The following ELMO1 variants were observed in gnomAD, a reference collection of about 807,000 sequenced individuals.
ELMO1 encodes engulfment and cell motility protein 1.
Under a neutral mutation model 98.9 loss-of-function variants are expected in ELMO1, and 26 were observed. That is an observed-to-expected ratio of 0.26 (90% CI 0.19 to 0.36). ELMO1 has a LOEUF of 0.36. Ranked by LOEUF, ELMO1 falls within the 10% of genes least tolerant of loss-of-function variation. ELMO1 has a pLI of 1.00. For missense variants in ELMO1, 627 were observed against 935.2 expected (o/e 0.67, Z 4.30); for synonymous variants, 346 against 346.0 (o/e 1.00, Z 0.00).
rs553700891 is a variant in ELMO1 at position 37,213,180 on chromosome 7, T to C, written c.954+155A>G. Among the ~76,000 whole-genome samples the C allele has an allele frequency of 8.5e-4, 129 of 152,328 alleles. 1 individual carries two copies. Among genetic ancestry groups the C allele is most frequent in the Middle Eastern group, 6.8e-3 (2 of 294 alleles). On this transcript the variant is annotated intron_variant, in intron 12 of 21. Transcript: ENST00000310758. ...TATATTTTCTGATCCTAGATTCACC[T>C]AATTTTGAAGCCATGCCCCTAAGTT...
intron 16 of ELMO1, among the ~76,000 whole-genome samples, chr7:36,977,621 G>T (rs1007784519): frequency 2.0e-5 from 3 of 152,276 alleles, no homozygotes; most frequent in African/African-American, 7.2e-5. Flanking sequence ...AATTTGGTCC[G>T]CCCAGGTTTC....
chr7:37,262,946 G>A (rs984551537), intron 5 of ELMO1, among the ~76,000 whole-genome samples: 14 of 152,282 alleles, frequency 9.2e-5, no homozygotes, highest in African/African-American at 3.4e-4. Flanking sequence ...CATCTCAGCT[G>A]GGCAGTAACC....
At chr7:37,429,669 A>C (rs187640545) in intron 1 of ELMO1, 7 of 152,404 alleles carry the variant, frequency 4.6e-5, no homozygotes, top group African/African-American at 7.2e-5. Flanking sequence ...GAACTCATGC[A>C]TTTTGTTTTT....
At chr7:37,198,218 CT>C (rs1792084146) in intron 13 of ELMO1, among the ~76,000 whole-genome samples, 1 of 152,186 alleles carries the variant, frequency 6.6e-6, no homozygotes, top group Non-Finnish European at 1.5e-5. Context: ...AATTCATGGA[CT>C]TTGGGATATG....
intron 16 of ELMO1, among the ~76,000 whole-genome samples, chr7:37,000,196 CTG>C (rs1224050416): frequency 6.6e-6 from 1 of 152,206 alleles, no homozygotes; most frequent in African/African-American, 2.4e-5. Flanking sequence ...AAAAGCATCT[CTG>C]TGTGATGCGT....
intron 16 of ELMO1, among the ~76,000 whole-genome samples, chr7:36,960,943 C>T (rs1286391112): frequency 6.6e-6 from 1 of 152,130 alleles, no homozygotes; most frequent in Non-Finnish European, 1.5e-5. Flanking sequence ...TTCAAATCCC[C>T]CTTCCCTCTG....
At chr7:37,195,817 A>G (rs1269209810) in intron 13 of ELMO1, among the ~76,000 whole-genome samples, 4 of 152,298 alleles carry the variant, frequency 2.6e-5, no homozygotes, top group Non-Finnish European at 4.4e-5. Context: ...CCTAATGCTC[A>G]TAAGTCACAG....
chr7:37,135,233 G>A (rs1787190985), intron 13 of ELMO1, among the ~76,000 whole-genome samples: 1 of 152,090 alleles, frequency 6.6e-6, no homozygotes, highest in Non-Finnish European at 1.5e-5. Context: ...ATGCACATCT[G>A]CCAGTTTTTC....
intron 1 of ELMO1, among the ~76,000 whole-genome samples, chr7:37,344,407 A>G (rs1800888221): frequency 1.3e-5 from 2 of 152,140 alleles, no homozygotes; most frequent in Non-Finnish European, 2.9e-5. Context: ...GAGCATCTTG[A>G]TTCTTTTCAC....
At chr7:37,102,538 G>T (rs1477466239) in intron 14 of ELMO1, among the ~76,000 whole-genome samples, 1 of 152,086 alleles carries the variant, frequency 6.6e-6, no homozygotes, top group Non-Finnish European at 1.5e-5. Flanking sequence ...AAACCCAAAA[G>T]AAAAAAGCTT....
At chr7:37,172,539 T>C (rs34464565) in intron 13 of ELMO1, among the ~76,000 whole-genome samples, 24,812 of 152,178 alleles carry the variant, frequency 0.16, 2,549 homozygotes, top group African/African-American at 0.28. Flanking sequence ...TATTCTTTCA[T>C]AGACTTCATC....
intron 12 of ELMO1, among the ~76,000 whole-genome samples, chr7:37,212,553 G>A (rs1563080426): frequency 6.6e-6 from 1 of 152,126 alleles, no homozygotes; most frequent in Non-Finnish European, 1.5e-5. Flanking sequence ...CAAAAACGTG[G>A]GGCACATTCA....
chr7:37,143,475 C>T (rs535650947), intron 13 of ELMO1, among the ~76,000 whole-genome samples: 63 of 152,140 alleles, frequency 4.1e-4, no homozygotes, highest in East Asian at 1.5e-3. Flanking sequence ...GGTGCAATCT[C>T]GGCTCACTGC....
intron 19 of ELMO1, among the ~76,000 whole-genome samples, chr7:36,875,177 A>T (rs1029887561): frequency 6.6e-6 from 1 of 152,252 alleles, no homozygotes; most frequent in East Asian, 1.9e-4. Context: ...AAAGGTGGCT[A>T]TTTTGCTCCA....
intron 2 of ELMO1, among the ~76,000 whole-genome samples, chr7:37,334,615 T>A (rs1800300867): frequency 6.6e-6 from 1 of 152,162 alleles, no homozygotes; most frequent in African/African-American, 2.4e-5. Context: ...GGTGATGAAA[T>A]CCCACGTGCA....
In ELMO1 at chr7:37,336,220, T is replaced by C. The variant is rs568247373; in HGVS notation, c.78+6393A>G. On this transcript the variant is annotated intron_variant, in intron 2 of 21. Coordinates refer to ENST00000310758, the MANE Select transcript of ELMO1 (RefSeq NM_014800.11). ...CAGCCTGGGTGACACAGTGAGACCC[T>C]GCGTCAAGGAAAAAAAAAAAGAACA... 8.7e-4 allele frequency among the ~76,000 whole-genome samples: 132 copies of C among 151,380 alleles called. 1 individual carries two copies. Among genetic ancestry groups the C allele is most frequent in the African/African-American group, 3.2e-3 (130 of 41,232 alleles).
intron 2 of ELMO1, among the ~76,000 whole-genome samples, chr7:37,322,623 A>C (rs1799578985): frequency 9.1e-6 from 1 of 109,776 alleles, no homozygotes; most frequent in South Asian, 2.7e-4. Context: ...CTCTCTCTCC[A>C]AAAAAAAAAA....
chr7:36,947,387 A>G (rs1787585384), intron 16 of ELMO1, among the ~76,000 whole-genome samples: 1 of 152,080 alleles, frequency 6.6e-6, no homozygotes. Flanking sequence ...TGCAGGTACT[A>G]TTGCCCACCA....
At chr7:36,859,763 T>C (rs566972075) in intron 21 of ELMO1, among the ~76,000 whole-genome samples, 138 of 152,234 alleles carry the variant, frequency 9.1e-4, no homozygotes, top group African/African-American at 3.2e-3. Context: ...TGGCAGAGAG[T>C]AAGCCAGGGT....
Sources: allele counts gnomAD v4.1 joint callset (sites outside exome capture counted in the v4.1 genomes callset), GRCh38; gene constraint gnomAD v4.1.1; transcripts MANE v1.5; gene names NCBI Gene and HGNC (gene_info 2026-07-23, HGNC 2026-07-21).